The following SLC13A1 variants were observed in gnomAD, a reference collection of about 807,000 sequenced individuals.
SLC13A1 encodes Na(+)/sulfate cotransporter.
SLC13A1 carries 65 observed loss-of-function variants against 70.0 expected under a neutral mutation model. The ratio of observed to expected loss-of-function variants is 0.93; its 90% CI spans 0.76 to 1.14. SLC13A1 has a LOEUF of 1.14. Among genes scored for constraint, SLC13A1 ranks in the 50% most tolerant of loss-of-function variants. The probability of loss-of-function intolerance (pLI) is 0.00; values close to 1 mark genes in which losing one functional copy is unlikely to be tolerated. For synonymous variants in SLC13A1, 275 were observed against 250.5 expected, an observed-to-expected ratio of 1.10 and a Z score of -0.92; for missense variants, 726 against 717.8, an observed-to-expected ratio of 1.01 and a Z score of -0.13.
intron 6 of SLC13A1, among the ~76,000 whole-genome samples, chr7:123,150,289 A>T (rs1794510599): frequency 6.6e-6 from 1 of 152,160 alleles, no homozygotes; most frequent in African/African-American, 2.4e-5. Flanking sequence ...CAATGGTATC[A>T]CTGTGAAATG....
intron 6 of SLC13A1, among the ~76,000 whole-genome samples, chr7:123,165,423 T>C (rs1317882807): frequency 6.6e-6 from 1 of 152,142 alleles, no homozygotes; most frequent in East Asian, 1.9e-4. Context: ...GAAAGGTTAT[T>C]CTTACCTCTG....
rs1246089485 is a variant in SLC13A1, at chr7:123,113,784, G to C, written c.*1734C>G. 6.6e-6 allele frequency: 1 copy of C among 152,006 alleles called. No homozygotes were observed. Among genetic ancestry groups the C allele is most frequent in the Non-Finnish European group, 1.5e-5 (1 of 67,982 alleles). 9.4% of individuals were successfully genotyped at this position (152,006 alleles called of 1,614,324 possible). A position where few individuals can be genotyped will look rare whatever the true frequency, so the allele number is the denominator to read the frequency against. ...TTTTTCTTTGAAAAAATGATTTTTT[G>C]CATTGGCCCATTAATAAACATAGAT... On this transcript the variant is annotated 3_prime_UTR_variant, in exon 15 of 15. Coordinates refer to ENST00000194130, the MANE Select transcript of SLC13A1 (RefSeq NM_022444.4).
At chr7:123,198,931 A>G (rs1796266947) in intron 1 of SLC13A1, among the ~76,000 whole-genome samples, 1 of 152,076 alleles carries the variant, frequency 6.6e-6, no homozygotes, top group African/African-American at 2.4e-5. Context: ...TAAGTGTTTG[A>G]AGAGTGTTTC....
chr7:123,137,474 G>C (rs192484840), intron 7 of SLC13A1, among the ~76,000 whole-genome samples: 11 of 152,306 alleles, frequency 7.2e-5, no homozygotes, highest in Admixed American at 5.9e-4. Context: ...AGAGTTTCCT[G>C]CTGGCCTGAA....
intron 1 of SLC13A1, among the ~76,000 whole-genome samples, chr7:123,192,599 A>T (rs762896143): frequency 6.6e-6 from 1 of 152,180 alleles, no homozygotes; most frequent in African/African-American, 2.4e-5. Flanking sequence ...TGAGAAAAGC[A>T]GAGCCAATCA....
At chr7:123,176,600 T>C (rs984875961) in intron 2 of SLC13A1, among the ~76,000 whole-genome samples, 1 of 152,176 alleles carries the variant, frequency 6.6e-6, no homozygotes, top group Non-Finnish European at 1.5e-5. Flanking sequence ...ACACCAACCT[T>C]GCAAATTAAA....
chr7:123,170,852 T>A (rs558888851), intron 3 of SLC13A1, among the ~76,000 whole-genome samples: 1 of 152,038 alleles, frequency 6.6e-6, no homozygotes, highest in Non-Finnish European at 1.5e-5. Context: ...GTGCTGGGAC[T>A]ACAGGGATGA....
chr7:123,141,514 G>C (rs565231494), intron 7 of SLC13A1, among the ~76,000 whole-genome samples: 2 of 152,142 alleles, frequency 1.3e-5, no homozygotes, highest in East Asian at 3.9e-4. Flanking sequence ...GGGTGTTGAA[G>C]TCTTTAGCTA....
rs529951426 is a variant in SLC13A1, at chr7:123,169,949, C to T, written c.366-614G>A. ...TTCTGAATATTCTGATTTATGCTCC[C>T]CTGAATCTGATATCCTTTCCTATTG... On this transcript the variant is annotated intron_variant, in intron 3 of 14. Transcript: ENST00000194130. Among the ~76,000 whole-genome samples the T allele has an allele frequency of 4.6e-5, 7 of 152,206 alleles. No homozygotes were observed. In the East Asian group the frequency reaches 1.4e-3, roughly 29 times the overall value.
intron 10 of SLC13A1, 140 bp downstream of exon 10, chr7:123,128,705 A>G: frequency 1.6e-6 from 1 of 622,304 alleles, no homozygotes; most frequent in Non-Finnish European, 2.8e-6. Context: ...TTTTTCCTGA[A>G]AAGATTAGAA....
In SLC13A1 at chr7:123,193,511, G is replaced by A. The variant is rs150380957; in HGVS notation, c.99+6337C>T. Among the ~76,000 whole-genome samples the A allele has an allele frequency of 1.7e-3, 263 of 152,268 alleles. 1 individual carries two copies. The highest frequency in any genetic ancestry group is 5.9e-3 in the African/African-American group (246 of 41,556). On this transcript the variant is annotated intron_variant, in intron 1 of 14. Coordinates refer to ENST00000194130, the MANE Select transcript of SLC13A1 (RefSeq NM_022444.4). ...TTACTACGTGATCCAGGCTGAGAGA[G>A]GCATCACCTCAACCTGTGCTTTCGT...
intron 2 of SLC13A1, among the ~76,000 whole-genome samples, chr7:123,174,103 G>A (rs528962581): frequency 6.7e-6 from 1 of 150,292 alleles, no homozygotes; most frequent in Non-Finnish European, 1.5e-5. Context: ...AGTCTTTATA[G>A]TCTCCTTGTT....
Position 123,129,459 on chromosome 7 carries a change from C to A in SLC13A1, c.955G>T (p.Gly319Cys). 1 of 1,612,474 alleles carries A rather than the reference C, an allele frequency of 6.2e-7. No individual in the cohort carries two copies. The highest frequency in any genetic ancestry group is 8.5e-7 in the Non-Finnish European group (1 of 1,179,330). Residue 319 changes from glycine (G) to cysteine (C), a missense_variant, in exon 9 of 15, where the codon GGC (glycine) becomes TGC (cysteine). By Grantham distance (159) the Gly-to-Cys change is radical. Coordinates refer to ENST00000194130, the MANE Select transcript of SLC13A1 (RefSeq NM_022444.4). ...GFNFKEMFKC[G>C]KTKTVQQKAC... is the part of the protein sequence containing the mutation. ...TTTTGTTGGACTGTTTTGGTTTTGC[C>A]ACATTTGAACATCTCCTTAAAACTG...
chr7:123,126,201 T>C (rs985045276), intron 10 of SLC13A1, among the ~76,000 whole-genome samples: 1 of 152,196 alleles, frequency 6.6e-6, no homozygotes, highest in African/African-American at 2.4e-5. Context: ...CCTGCTTCTG[T>C]GTTTATAAGC....
At chr7:123,149,475 G>A (rs1028948154) in intron 6 of SLC13A1, 28 of 456,266 alleles carry the variant, frequency 6.1e-5, no homozygotes, top group Non-Finnish European at 1.0e-4. Context: ...CCCTTCTTTC[G>A]ACTGTGATGG....
chr7:123,182,553 A>G (rs1795672532), intron 1 of SLC13A1, among the ~76,000 whole-genome samples: 1 of 152,196 alleles, frequency 6.6e-6, no homozygotes. Flanking sequence ...GCATTCCCTT[A>G]CAGAAAGCCA....
chr7:123,117,794 ATACAGT>A (rs1277595002), intron 13 of SLC13A1, among the ~76,000 whole-genome samples, 186 bp from the exon 14 acceptor site: 1 of 152,010 alleles, frequency 6.6e-6, no homozygotes, highest in Non-Finnish European at 1.5e-5. Flanking sequence ...CTTGTTGTTG[ATACAGT>A]TACAGATGCC....
At chr7:123,144,838 C>A (rs1047678775) in intron 7 of SLC13A1, among the ~76,000 whole-genome samples, 7 of 151,990 alleles carry the variant, frequency 4.6e-5, no homozygotes, top group African/African-American at 1.4e-4. Flanking sequence ...ACTTTAATAC[C>A]CATGAAATAC....
chr7:123,170,032 T>C (rs998032829), intron 3 of SLC13A1, among the ~76,000 whole-genome samples: 1 of 151,998 alleles, frequency 6.6e-6, no homozygotes, highest in East Asian at 1.9e-4. Context: ...TATTAGTTAT[T>C]CTCCTTAAAA....
Sources: allele counts gnomAD v4.1 joint callset (sites outside exome capture counted in the v4.1 genomes callset), GRCh38; gene constraint gnomAD v4.1.1; transcripts MANE v1.5; gene names NCBI Gene and HGNC (gene_info 2026-07-23, HGNC 2026-07-21).